The following ABCA13 variants were observed in gnomAD, a reference collection of about 807,000 sequenced individuals.
The protein encoded by ABCA13 is ATP-binding cassette sub-family A member 13.
Under a neutral mutation model 478.7 loss-of-function variants are expected in ABCA13, and 476 were observed. The observed-to-expected ratio is 0.99, with a 90% CI of 0.92 to 1.07. The LOEUF (loss-of-function observed/expected upper bound fraction) is 1.07. ABCA13 is among the 50% of genes least tolerant of loss of function. The pLI is 0.00. For synonymous variants in ABCA13, 2,252 were observed against 2,158.9 expected (o/e 1.04, Z -1.20); for missense variants, 6,060 against 5,910.6 (o/e 1.03, Z -0.83).
intron 42 of ABCA13, among the ~76,000 whole-genome samples, chr7:48,437,682 G>A (rs938808396): frequency 4.0e-5 from 6 of 151,894 alleles, no homozygotes; most frequent in African/African-American, 7.3e-5. Context: ...CTAAATAATC[G>A]TTTGTTGGGA....
chr7:48,417,596 T>G (rs973629092), intron 41 of ABCA13, among the ~76,000 whole-genome samples: 1 of 152,156 alleles, frequency 6.6e-6, no homozygotes, highest in Non-Finnish European at 1.5e-5. Context: ...GCATTCTGTG[T>G]CCCTCTGCCT....
chr7:48,503,256 A>T (rs1830914520), intron 48 of ABCA13, among the ~76,000 whole-genome samples: 1 of 152,114 alleles, frequency 6.6e-6, no homozygotes, highest in South Asian at 2.1e-4. Flanking sequence ...CCTGATAATT[A>T]AAACAATTTG....
intron 42 of ABCA13, among the ~76,000 whole-genome samples, chr7:48,446,753 A>G (rs1279876807): frequency 6.6e-6 from 1 of 152,172 alleles, no homozygotes; most frequent in Non-Finnish European, 1.5e-5. Flanking sequence ...TTCTTCTTTA[A>G]CCAAATTTCC....
intron 42 of ABCA13, among the ~76,000 whole-genome samples, chr7:48,429,771 A>G (rs554842117): frequency 1.3e-5 from 2 of 152,310 alleles, no homozygotes; most frequent in East Asian, 3.9e-4. Context: ...TAATCATGAA[A>G]GGTGTTGGAT....
chr7:48,311,396 G>A (rs1434874489), intron 24 of ABCA13, among the ~76,000 whole-genome samples: 7 of 152,132 alleles, frequency 4.6e-5, no homozygotes, highest in African/African-American at 7.2e-5. Flanking sequence ...GGTGGAATTC[G>A]TATTTTTCGC....
At chr7:48,447,015 G>A (rs1824394241) in intron 42 of ABCA13, among the ~76,000 whole-genome samples, 2 of 152,230 alleles carry the variant, frequency 1.3e-5, no homozygotes, top group African/African-American at 4.8e-5. Context: ...AAGAAAGTGT[G>A]TGTAATTCTT....
At chr7:48,354,257 G>A (rs1168561739) in intron 31 of ABCA13, among the ~76,000 whole-genome samples, 25 of 152,024 alleles carry the variant, frequency 1.6e-4, no homozygotes, top group African/African-American at 1.7e-4. Context: ...TTGTGCTTAC[G>A]TGGATGGGAA....
intron 48 of ABCA13, among the ~76,000 whole-genome samples, chr7:48,492,653 C>A (rs1254880860): frequency 1.3e-5 from 2 of 152,156 alleles, no homozygotes; most frequent in African/African-American, 4.8e-5. Flanking sequence ...CAGGAGTGGG[C>A]TACTTATTGC....
intron 59 of ABCA13, among the ~76,000 whole-genome samples, chr7:48,625,415 G>A (rs564605222): frequency 6.6e-6 from 1 of 152,164 alleles, no homozygotes. Flanking sequence ...GGAATGATGT[G>A]CTACTGAGTT....
At chr7:48,284,530 A>G (rs1797465854) in intron 19 of ABCA13, among the ~76,000 whole-genome samples, 1 of 152,202 alleles carries the variant, frequency 6.6e-6, no homozygotes, top group Non-Finnish European at 1.5e-5. Context: ...TTGAATGCTT[A>G]TCTTCCATAT....
In ABCA13 at chr7:48,541,722, A is replaced by G. The variant is rs556064972; in HGVS notation, c.14354+13377A>G. Among the ~76,000 whole-genome samples, 763 of 150,852 alleles carry G rather than the reference A, an allele frequency of 5.1e-3. 23 individuals are homozygous for G. The highest frequency in any genetic ancestry group is 7.7e-3 in the Non-Finnish European group (517 of 67,562). ...TAAAAGGGAGAAGAAAAAGAGATAT[A>G]TATATACATATAAAATATCATGTAT... On this transcript the variant is annotated intron_variant, in intron 55 of 61. Coordinates refer to ENST00000435803, the MANE Select transcript of ABCA13 (RefSeq NM_152701.5).
chr7:48,455,241 G>C lies in ABCA13; in HGVS notation c.12770G>C (p.Arg4257Thr), dbSNP rs900596227. Residue 4257 changes from arginine (R) to threonine (T), a missense_variant, in exon 43 of 62, where the codon AGA (arginine) becomes ACA (threonine). Around this residue, in one of 3 missense-constraint regions of ABCA13, gnomAD observed 1,627 missense variants for 1,571.0 expected, o/e 1.04. Transcript: ENST00000435803. ...CTGGCCACCGAGTACCCTCCCCTCA[G>C]ACTCACACCTGGACATTACCAGCGG... is the stretch of plus-strand genomic sequence containing the variant. The part of the protein sequence containing the change: ...RPLATEYPPL[R>T]LTPGHYQRAE... The C allele has an allele frequency of 7.5e-6, 12 of 1,605,710 alleles. No homozygotes were observed. In the Admixed American group the frequency reaches 1.0e-4, roughly 14 times the overall value.
chr7:48,638,497 G>T (rs1342950308), intron 59 of ABCA13, among the ~76,000 whole-genome samples: 3 of 152,170 alleles, frequency 2.0e-5, no homozygotes, highest in Non-Finnish European at 2.9e-5. Flanking sequence ...AGGAATGTGA[G>T]TGCCAGCTGC....
intron 3 of ABCA13, among the ~76,000 whole-genome samples, chr7:48,212,135 G>T (rs889230904): frequency 1.3e-5 from 2 of 152,182 alleles, no homozygotes; most frequent in African/African-American, 4.8e-5. Context: ...TGTGGCACAG[G>T]ATGCTCATCT....
chr7:48,197,627 C>T (rs955117969), intron 2 of ABCA13, among the ~76,000 whole-genome samples: 3 of 150,566 alleles, frequency 2.0e-5, no homozygotes, highest in Non-Finnish European at 4.5e-5. Flanking sequence ...AGCATCCTCA[C>T]CACTCCCACC....
At chr7:48,622,540 C>G (rs1433684071) in intron 59 of ABCA13, among the ~76,000 whole-genome samples, 1 of 152,078 alleles carries the variant, frequency 6.6e-6, no homozygotes, top group Non-Finnish European at 1.5e-5. Flanking sequence ...TGTTATGTCC[C>G]CTTGTCTTGC....
At chr7:48,577,177 G>A (rs1788262945) in intron 55 of ABCA13, among the ~76,000 whole-genome samples, 1 of 151,956 alleles carries the variant, frequency 6.6e-6, no homozygotes, top group African/African-American at 2.4e-5. Flanking sequence ...AAACTAGAGG[G>A]AGAGGAGCAA....
chr7:48,598,250 T>C (rs555893000), intron 58 of ABCA13, among the ~76,000 whole-genome samples: 49 of 152,314 alleles, frequency 3.2e-4, no homozygotes, highest in African/African-American at 1.1e-3. Context: ...TGTCTTCTCA[T>C]GGCTTGATAG....
At chr7:48,504,107 G>A (rs1473563000) in intron 48 of ABCA13, among the ~76,000 whole-genome samples, 1 of 152,198 alleles carries the variant, frequency 6.6e-6, no homozygotes, top group Non-Finnish European at 1.5e-5. Flanking sequence ...ACATGAGGCA[G>A]GAGTGGGGTG....
Sources: allele counts gnomAD v4.1 joint callset (sites outside exome capture counted in the v4.1 genomes callset), GRCh38; gene constraint gnomAD v4.1.1; regional missense constraint gnomAD v4.1.1; transcripts MANE v1.5; gene names NCBI Gene and HGNC (gene_info 2026-07-23, HGNC 2026-07-21).